Variants in ZNF516 observed in about 807,000 individuals in gnomAD.
The protein encoded by ZNF516 is zinc finger protein 516.
Under a neutral mutation model 79.7 loss-of-function variants are expected in ZNF516, and 19 were observed. The observed-to-expected ratio is 0.24, with a 90% CI of 0.17 to 0.35. The LOEUF is 0.35. Among genes scored for constraint, ZNF516 ranks in the 10% least tolerant of loss-of-function variants. The pLI is 1.00. For synonymous variants in ZNF516, 877 were observed against 739.5 expected (o/e 1.19, Z -3.02); for missense variants, 1,678 against 1,679.5 (o/e 1.00, Z 0.02).
intron 6 of ZNF516, among the ~76,000 whole-genome samples, chr18:76,367,723 T>C (rs2074638176): frequency 6.6e-6 from 1 of 152,216 alleles, no homozygotes; most frequent in Admixed American, 6.5e-5. Flanking sequence ...AAGCCACCCA[T>C]GGACCTTTTG....
intron 3 of ZNF516, chr18:76,389,221 G>C (rs1202321028): frequency 6.6e-6 from 1 of 151,942 alleles, no homozygotes. Context: ...GGCAACAACT[G>C]GTCAAGGCCA....
At chr18:76,464,092 G>A (rs1031380489) in intron 1 of ZNF516, among the ~76,000 whole-genome samples, 5 of 152,148 alleles carry the variant, frequency 3.3e-5, no homozygotes, top group Non-Finnish European at 4.4e-5. Flanking sequence ...GGGAGGCTGA[G>A]GTGGGTGGAT....
intron 1 of ZNF516, among the ~76,000 whole-genome samples, chr18:76,470,026 A>G (rs1429066314): frequency 6.6e-6 from 1 of 152,258 alleles, no homozygotes; most frequent in East Asian, 1.9e-4. Context: ...TGCATGAAAT[A>G]TGTTCATCTT....
intron 3 of ZNF516, among the ~76,000 whole-genome samples, chr18:76,434,694 G>A (rs1398164080): frequency 3.3e-5 from 5 of 152,206 alleles, no homozygotes; most frequent in African/African-American, 1.2e-4. Context: ...CTGGGACTAC[G>A]CATTCCTGCC....
At chr18:76,439,610 T>C (rs1234471187) in intron 3 of ZNF516, among the ~76,000 whole-genome samples, 3 of 152,194 alleles carry the variant, frequency 2.0e-5, no homozygotes, top group Non-Finnish European at 2.9e-5. Flanking sequence ...CAATTTATGA[T>C]GGGAATCATT....
chr18:76,472,213 TC>T (rs1324591661), intron 1 of ZNF516, among the ~76,000 whole-genome samples: 1 of 152,194 alleles, frequency 6.6e-6, no homozygotes, highest in African/African-American at 2.4e-5. Flanking sequence ...CAACATCTCT[TC>T]CCATTGCCCT....
At chr18:76,417,928 C>T (rs894253365) in intron 3 of ZNF516, among the ~76,000 whole-genome samples, 4 of 152,194 alleles carry the variant, frequency 2.6e-5, no homozygotes, top group African/African-American at 7.2e-5. Context: ...AAAGGATTCT[C>T]GGCCAGAGGG....
rs373141568 is a variant in ZNF516 at position 76,458,995 on chromosome 18, GGT to G, written c.-158+4031_-158+4032del. Among the ~76,000 whole-genome samples the G allele has an allele frequency of 9.2e-5, 14 of 152,096 alleles. No homozygotes were observed. In the South Asian group the frequency reaches 1.0e-3, roughly 11 times the overall value. ...GTGAGCATGTGCTAGTGTGCCCGAG[GGT>G]GTGTGTGTGTGTCTGAGAGAGCACA... On this transcript the variant is annotated intron_variant, in intron 2 of 6. Transcript: ENST00000443185.
intron 3 of ZNF516, among the ~76,000 whole-genome samples, chr18:76,390,964 G>C (rs1223066239): frequency 6.6e-6 from 1 of 152,066 alleles, no homozygotes; most frequent in African/African-American, 2.4e-5. Context: ...AGCTTCAAAT[G>C]CCTCTATCTC....
chr18:76,385,606 C>T (rs2074975288), intron 3 of ZNF516: 1 of 152,262 alleles, frequency 6.6e-6, no homozygotes, highest in South Asian at 2.1e-4. Flanking sequence ...TAAAGCACTT[C>T]ATTCTCAGTG....
rs144101240 is a variant in ZNF516, at chr18:76,362,774, A to T, written c.3433-217T>A. ...TTTCAAATGTGCCTTCCTGCCTTAA[A>T]GAGAGGCAGCTTGAAAACGAATCAT... On this transcript the variant is annotated intron_variant, in intron 6 of 6. Coordinates refer to ENST00000443185, the MANE Select transcript of ZNF516 (RefSeq NM_014643.4). Among the ~76,000 whole-genome samples the T allele has an allele frequency of 4.3e-3, 652 of 152,324 alleles. 6 individuals are homozygous for T. The highest frequency in any genetic ancestry group is 0.015 in the African/African-American group (620 of 41,556).
intron 3 of ZNF516, among the ~76,000 whole-genome samples, chr18:76,389,931 G>T (rs117685482): frequency 1.3e-5 from 2 of 152,206 alleles, no homozygotes; most frequent in African/African-American, 4.8e-5. Flanking sequence ...GGTCCCGAGC[G>T]ATAGTGGGCA....
rs1319286839 is a variant in ZNF516 at position 76,408,610 on chromosome 18, G to A, written c.1811-28307C>T. ...GAGGGCACATGGCTCCCAAGACTGT[G>A]TGAGACACTGGCACCCTAACACCAA... On this transcript the variant is annotated intron_variant, in intron 3 of 6. Coordinates refer to ENST00000443185, the MANE Select transcript of ZNF516 (RefSeq NM_014643.4). Among the ~76,000 whole-genome samples the A allele has an allele frequency of 2.0e-5, 3 of 152,214 alleles. No individual in the cohort carries two copies. In the East Asian group the frequency reaches 5.8e-4, roughly 29 times the overall value.
chr18:76,404,097 A>G (rs1347031979), intron 3 of ZNF516, among the ~76,000 whole-genome samples: 1 of 152,180 alleles, frequency 6.6e-6, no homozygotes, highest in Non-Finnish European at 1.5e-5. Context: ...TGGCTCTCCA[A>G]CACCCCTGGG....
chr18:76,461,083 G>A (rs1350576860), intron 2 of ZNF516, among the ~76,000 whole-genome samples: 1 of 152,220 alleles, frequency 6.6e-6, no homozygotes, highest in Admixed American at 6.5e-5. Context: ...TTGGGAGGCT[G>A]AGGCAGGACA....
At chr18:76,463,764 G>C (rs537867557) in intron 1 of ZNF516, among the ~76,000 whole-genome samples, 13 of 152,320 alleles carry the variant, frequency 8.5e-5, no homozygotes, top group African/African-American at 3.1e-4. Flanking sequence ...ATGTTTCAGG[G>C]TGTGGCACAG....
intron 3 of ZNF516, among the ~76,000 whole-genome samples, chr18:76,431,329 TGAAA>T (rs1216270854): frequency 6.6e-6 from 1 of 152,244 alleles, no homozygotes; most frequent in Non-Finnish European, 1.5e-5. Flanking sequence ...TCTAAACTTA[TGAAA>T]TAATTCAGTG....
intron 3 of ZNF516, among the ~76,000 whole-genome samples, chr18:76,424,476 T>C (rs1477618046): frequency 8.8e-5 from 10 of 113,058 alleles, no homozygotes; most frequent in South Asian, 3.1e-4. Flanking sequence ...GGTGAAAAGG[T>C]TCCCACATGA....
At chr18:76,374,366 A>T (rs1263745488) in intron 4 of ZNF516, among the ~76,000 whole-genome samples, 2 of 152,224 alleles carry the variant, frequency 1.3e-5, no homozygotes, top group Non-Finnish European at 2.9e-5. Flanking sequence ...TAGACTTGGT[A>T]GTCACACTGT....
Sources: allele counts gnomAD v4.1 joint callset (sites outside exome capture counted in the v4.1 genomes callset), GRCh38; gene constraint gnomAD v4.1.1; transcripts MANE v1.5; gene names NCBI Gene and HGNC (gene_info 2026-07-23, HGNC 2026-07-21).